UBE2D1: variants seen among roughly 807,000 people sequenced by gnomAD.
UBE2D1 encodes ubiquitin-conjugating enzyme E2 D1.
UBE2D1 carries 9 observed loss-of-function variants against 24.6 expected under a neutral mutation model. That is an observed-to-expected ratio of 0.37 (90% CI 0.22 to 0.64). UBE2D1 has a LOEUF of 0.64. Among genes scored for constraint, UBE2D1 ranks in the 30% least tolerant of loss-of-function variants. UBE2D1 has a pLI of 0.64. For synonymous variants in UBE2D1, 57 were observed against 57.6 expected (o/e 0.99, Z 0.04); for missense variants, 87 against 177.1 (o/e 0.49, Z 2.89).
intron 1 of UBE2D1, among the ~76,000 whole-genome samples, chr10:58,350,920 C>G (rs376435604): frequency 6.6e-6 from 1 of 152,172 alleles, no homozygotes; most frequent in African/African-American, 2.4e-5. Context: ...GAAACCTATA[C>G]AGCATGTTAC....
rs1839985808 is a variant in UBE2D1 at position 58,343,609 on chromosome 10, C to T, written c.24+8384C>T. ...AGAGACACACAAATATATTGATACA[C>T]ATATACACATAATGTAAACTGTTCT... On this transcript the variant is annotated intron_variant, in intron 1 of 6. Transcript: ENST00000373910. Among the ~76,000 whole-genome samples the T allele has an allele frequency of 2.0e-5, 3 of 152,134 alleles. No individual in the cohort carries two copies. In the South Asian group the frequency reaches 6.2e-4, roughly 32 times the overall value.
intron 5 of UBE2D1, 95 bp downstream of exon 5, chr10:58,364,971 C>T: frequency 1.0e-6 from 1 of 958,484 alleles, no homozygotes; most frequent in East Asian, 2.6e-5. Context: ...AAACAACAAT[C>T]AACTGTGCTT....
At chr10:58,348,097 C>T (rs997891143) in intron 1 of UBE2D1, among the ~76,000 whole-genome samples, 1 of 152,114 alleles carries the variant, frequency 6.6e-6, no homozygotes. Flanking sequence ...AGACTTGATC[C>T]AAGGAAACAG....
At chr10:58,357,538 T>A (rs574053582) in intron 1 of UBE2D1, among the ~76,000 whole-genome samples, 79 of 152,302 alleles carry the variant, frequency 5.2e-4, no homozygotes, top group African/African-American at 1.8e-3. Context: ...TTCACCTCAT[T>A]AACACATCTC....
intron 3 of UBE2D1, 105 bp downstream of exon 3, chr10:58,361,631 C>G (rs954918747): frequency 6.7e-7 from 1 of 1,487,942 alleles, no homozygotes; most frequent in Non-Finnish European, 9.2e-7. Flanking sequence ...TATTCTTGTA[C>G]TTTGAATCAC....
intron 1 of UBE2D1, among the ~76,000 whole-genome samples, chr10:58,355,036 C>T (rs935689313): frequency 6.6e-6 from 1 of 152,164 alleles, no homozygotes; most frequent in Non-Finnish European, 1.5e-5. Context: ...GCTGGATTCT[C>T]ACATATGCTT....
At chr10:58,357,347 A>C (rs1361938495) in intron 1 of UBE2D1, among the ~76,000 whole-genome samples, 1 of 152,226 alleles carries the variant, frequency 6.6e-6, no homozygotes, top group Non-Finnish European at 1.5e-5. Context: ...GAAAGCATAG[A>C]TCAGGTAGTA....
chr10:58,354,999 T>G (rs916978098), intron 1 of UBE2D1, among the ~76,000 whole-genome samples: 3 of 152,214 alleles, frequency 2.0e-5, no homozygotes, highest in Non-Finnish European at 4.4e-5. Flanking sequence ...TTTTCAAATC[T>G]CGTTATAGTC....
chr10:58,355,317 C>T (rs866556610), intron 1 of UBE2D1, among the ~76,000 whole-genome samples: 2 of 152,120 alleles, frequency 1.3e-5, no homozygotes, highest in African/African-American at 4.8e-5. Context: ...TTGGTCTTTA[C>T]TAAGCAATGG....
chr10:58,357,117 G>A (rs1231490916), intron 1 of UBE2D1, among the ~76,000 whole-genome samples: 1 of 152,118 alleles, frequency 6.6e-6, no homozygotes, highest in Non-Finnish European at 1.5e-5. Context: ...GAGGAATGTG[G>A]AGTTAAGTCC....
At chr10:58,340,719 G>C (rs937313694) in intron 1 of UBE2D1, among the ~76,000 whole-genome samples, 1 of 152,092 alleles carries the variant, frequency 6.6e-6, no homozygotes, top group Non-Finnish European at 1.5e-5. Flanking sequence ...TACAATGTGA[G>C]CTACATTTTA....
intron 1 of UBE2D1, among the ~76,000 whole-genome samples, chr10:58,353,978 G>A (rs1840103861): frequency 6.6e-6 from 1 of 152,124 alleles, no homozygotes; most frequent in African/African-American, 2.4e-5. Context: ...ATTATGGCGG[G>A]ATCCATAAAT....
chr10:58,339,265 C>G (rs1019459542), intron 1 of UBE2D1, among the ~76,000 whole-genome samples: 5 of 152,108 alleles, frequency 3.3e-5, no homozygotes, highest in African/African-American at 1.2e-4. Flanking sequence ...ATCACCACAC[C>G]TGGCTAATTT....
At chr10:58,363,184 C>T (rs1312612217) in intron 3 of UBE2D1, among the ~76,000 whole-genome samples, 1 of 152,080 alleles carries the variant, frequency 6.6e-6, no homozygotes, top group Non-Finnish European at 1.5e-5. Context: ...AAGTGAACAT[C>T]AGAACTTAAG....
intron 1 of UBE2D1, among the ~76,000 whole-genome samples, chr10:58,337,098 C>A (rs1174915180): frequency 6.6e-6 from 1 of 151,562 alleles, no homozygotes; most frequent in East Asian, 1.9e-4. Context: ...GTGTCCAAAT[C>A]TTTTTAGTAT....
At position 58,335,213 on chromosome 10, in the gene UBE2D1, G is replaced by T; in HGVS notation, c.12G>T (p.Lys4Asn). 6.5e-7 allele frequency: 1 copy of T among 1,548,540 alleles called. No individual in the cohort carries two copies. Among genetic ancestry groups the T allele is most frequent in the Non-Finnish European group, 8.7e-7 (1 of 1,149,780 alleles). ...GCCATCCCTGACCCATGGCGCTGAA[G>T]AGGATTCAGAAAGTGAGTGCCGGGG... Reference protein sequence around the residue: MALKRIQKELSDLQ... With the variant: MALNRIQKELSDLQ... Residue 4 changes from lysine to asparagine, a missense_variant, in exon 1 of 7, where the codon AAG (lysine) becomes AAT (asparagine). Transcript: ENST00000373910.
chr10:58,352,827 G>T (rs1840091880), intron 1 of UBE2D1, among the ~76,000 whole-genome samples: 1 of 151,788 alleles, frequency 6.6e-6, no homozygotes, highest in Non-Finnish European at 1.5e-5. Flanking sequence ...CCTTATTTTT[G>T]ATTTAGAAGG....
At position 58,368,812 on chromosome 10, in the gene UBE2D1, T is replaced by G. The variant is rs1333119309; in HGVS notation, c.*47T>G. The G allele has an allele frequency of 7.2e-7, 1 of 1,389,360 alleles. No individual in the cohort carries two copies. The highest frequency in any genetic ancestry group is 9.9e-7 in the Non-Finnish European group (1 of 1,015,006). 86.1% of individuals were successfully genotyped at this position (1,389,360 alleles called of 1,614,324 possible). Reference sequence around the variant, plus strand: ...ATACCAGAGTACTGTAAAATCTAGGTTTTTTTCAACATTAGCAGTAAATTG... The same window carrying G: ...ATACCAGAGTACTGTAAAATCTAGGGTTTTTTCAACATTAGCAGTAAATTG... On this transcript the variant is annotated 3_prime_UTR_variant, in exon 7 of 7. Coordinates refer to ENST00000373910, the MANE Select transcript of UBE2D1 (RefSeq NM_003338.5).
At chr10:58,338,790 T>C (rs773624953) in intron 1 of UBE2D1, among the ~76,000 whole-genome samples, 1 of 152,008 alleles carries the variant, frequency 6.6e-6, no homozygotes, top group Non-Finnish European at 1.5e-5. Flanking sequence ...ATGTGATAAG[T>C]TTATTTACAT....
Sources: gnomAD v4.1 joint callset for allele counts (sites outside exome capture counted in the v4.1 genomes callset) on GRCh38, gnomAD v4.1.1 for gene constraint, MANE v1.5 for transcripts, NCBI Gene and HGNC (gene_info 2026-07-23, HGNC 2026-07-21) for gene names.